The following TBCD variants were observed in gnomAD, a reference collection of about 807,000 sequenced individuals.
The protein encoded by TBCD is tubulin-specific chaperone D.
TBCD carries 105 observed loss-of-function variants against 169.3 expected under a neutral mutation model. That is an observed-to-expected ratio of 0.62 (90% CI 0.53 to 0.73). The LOEUF is 0.73. Ranked by LOEUF, TBCD falls within the 30% of genes least tolerant of loss-of-function variation. The pLI is 0.00. For missense variants in TBCD, 1,444 were observed against 1,600.1 expected, an observed-to-expected ratio of 0.90 and a Z score of 1.66; for synonymous variants, 700 against 643.9, an observed-to-expected ratio of 1.09 and a Z score of -1.32.
At chr17:82,826,503 C>G (rs971817026) in intron 13 of TBCD, among the ~76,000 whole-genome samples, 5 of 151,988 alleles carry the variant, frequency 3.3e-5, no homozygotes, top group Admixed American at 6.6e-5. Context: ...GCAGCCTTGA[C>G]CTCCTGGGCT....
chr17:82,909,229 A>G (rs2060448768), intron 21 of TBCD, 56 bp from the exon 22 acceptor site: 11 of 1,146,732 alleles, frequency 9.6e-6, no homozygotes, highest in Middle Eastern at 2.1e-4. Context: ...TTGTTAACGT[A>G]TACGTATTAT....
intron 2 of TBCD, among the ~76,000 whole-genome samples, chr17:82,756,729 C>T (rs373152445): frequency 6.6e-6 from 1 of 152,186 alleles, no homozygotes; most frequent in Non-Finnish European, 1.5e-5. Context: ...CCGCCTGCCT[C>T]GGCCTCCCAA....
At chr17:82,821,347 T>TTAAAGCTGTTGATTTACAGTC (rs11274762) in intron 13 of TBCD, among the ~76,000 whole-genome samples, 1 of 151,996 alleles carries the variant, frequency 6.6e-6, no homozygotes, top group Admixed American at 6.5e-5. Context: ...GTGAGCATAT[T>TTAAAGCTGTTGATTTACAGTC]TTTGTCTAAG....
At chr17:82,916,948 A>T (rs1189990858) in intron 23 of TBCD, among the ~76,000 whole-genome samples, 7 of 150,416 alleles carry the variant, frequency 4.7e-5, no homozygotes, top group Non-Finnish European at 8.8e-5. Context: ...CACCGCACTT[A>T]ATTCTTTACG....
At chr17:82,887,894 G>A (rs995631534) in intron 15 of TBCD, among the ~76,000 whole-genome samples, 1 of 152,084 alleles carries the variant, frequency 6.6e-6, no homozygotes, top group Non-Finnish European at 1.5e-5. Context: ...CCTCCTCTTT[G>A]GTGAAATGTC....
At chr17:82,854,375 C>T (rs187498457) in intron 13 of TBCD, among the ~76,000 whole-genome samples, 5 of 152,224 alleles carry the variant, frequency 3.3e-5, no homozygotes, top group Admixed American at 6.5e-5. Flanking sequence ...CATGCAAGCA[C>T]GTCCACAAAG....
intron 2 of TBCD, 128 bp downstream of exon 2, chr17:82,756,343 C>A: frequency 3.0e-6 from 3 of 1,010,506 alleles, no homozygotes; most frequent in Non-Finnish European, 4.5e-6. Flanking sequence ...GTCTTGCTTG[C>A]CTGGCTGGTT....
At chr17:82,934,543 G>A (rs2062460723) in intron 34 of TBCD, among the ~76,000 whole-genome samples, 3 of 152,042 alleles carry the variant, frequency 2.0e-5, no homozygotes, top group African/African-American at 7.2e-5. Flanking sequence ...TGCGATCTCA[G>A]CTCACTGCAA....
At chr17:82,802,904 A>T (rs1361596944) in intron 9 of TBCD, among the ~76,000 whole-genome samples, 2 of 152,260 alleles carry the variant, frequency 1.3e-5, no homozygotes, top group African/African-American at 4.8e-5. Context: ...ACAGAAAATA[A>T]TCCAGTATCC....
chr17:82,769,085 T>G (rs767535219), intron 5 of TBCD, among the ~76,000 whole-genome samples: 3 of 152,180 alleles, frequency 2.0e-5, no homozygotes, highest in Non-Finnish European at 4.4e-5. Flanking sequence ...CAAACTTGAG[T>G]GTTTGACACA....
At chr17:82,868,360 G>C (rs975828917) in intron 13 of TBCD, among the ~76,000 whole-genome samples, 5 of 152,166 alleles carry the variant, frequency 3.3e-5, no homozygotes, top group African/African-American at 1.2e-4. Context: ...GGGAGACCTT[G>C]GTGTCTGGCA....
At chr17:82,917,473 C>G (rs1270576878) in intron 23 of TBCD, among the ~76,000 whole-genome samples, 4 of 152,118 alleles carry the variant, frequency 2.6e-5, no homozygotes. Flanking sequence ...ATGTCATCAT[C>G]TGGAGCCTCT....
In TBCD at chr17:82,806,510, C is replaced by T. The variant is rs377415779; in HGVS notation, c.1087+499C>T. ...GAGCCATCAGCGGAGCCCCTCATGG[C>T]GGCCATCCTGGGCTCCTGTCCACAC... is the stretch of plus-strand genomic sequence containing the variant. On this transcript the variant is annotated intron_variant, in intron 10 of 38. Coordinates refer to ENST00000355528, the MANE Select transcript of TBCD (RefSeq NM_005993.5). The surrounding 1 kb of genome is among the most constrained non-coding windows in gnomAD (Gnocchi z 5.1). Among the ~76,000 whole-genome samples, 16 of 152,236 alleles carry T rather than the reference C, an allele frequency of 1.1e-4. No individual in the cohort carries two copies. The South Asian group carries it at 2.1e-3, about 20-fold the overall frequency.
chr17:82,938,600 C>G (rs554158520), intron 36 of TBCD, among the ~76,000 whole-genome samples: 1 of 152,212 alleles, frequency 6.6e-6, no homozygotes, highest in Non-Finnish European at 1.5e-5. Flanking sequence ...AGTGGGGTGC[C>G]GGACCCTCAG....
chr17:82,929,919 T>G (rs2062058133), intron 32 of TBCD: 1 of 350,638 alleles, frequency 2.9e-6, no homozygotes. Flanking sequence ...AGCCTTGGTC[T>G]GTGGCTGAGC....
chr17:82,807,548 A>G, intron 10 of TBCD, 60 bp from the exon 11 acceptor site: 1 of 1,370,012 alleles, frequency 7.3e-7, no homozygotes. Flanking sequence ...GTCACCTTAC[A>G]GCTGGGAAAC....
rs115684807 is a variant in TBCD at position 82,840,797 on chromosome 17, A to G, written c.1318+25863A>G. ...GCTTGCTTGCTTAATCGGAGGCCGCACCCCAGTTGTAGCGAAGGCTGGCAT... is the reference window on the plus strand; with the variant it reads ...GCTTGCTTGCTTAATCGGAGGCCGCGCCCCAGTTGTAGCGAAGGCTGGCAT... On this transcript the variant is annotated intron_variant, in intron 13 of 38. Coordinates refer to ENST00000355528, the MANE Select transcript of TBCD (RefSeq NM_005993.5). Among the ~76,000 whole-genome samples, 561 of 151,978 alleles carry G rather than the reference A, an allele frequency of 3.7e-3. 6 individuals carry two copies. The highest frequency in any genetic ancestry group is 0.013 in the African/African-American group (542 of 41,428).
chr17:82,842,297 G>T (rs528947189), intron 13 of TBCD, among the ~76,000 whole-genome samples: 1 of 152,226 alleles, frequency 6.6e-6, no homozygotes, highest in South Asian at 2.1e-4. Flanking sequence ...AGCTGAGACG[G>T]CAGGGAGGGA....
intron 8 of TBCD, among the ~76,000 whole-genome samples, chr17:82,800,522 G>A (rs560377189): frequency 1.3e-4 from 20 of 151,500 alleles, no homozygotes; most frequent in East Asian, 3.9e-4. Flanking sequence ...CGTGGCCTGC[G>A]TGGTCTCTGT....
Sources: allele counts gnomAD v4.1 joint callset (sites outside exome capture counted in the v4.1 genomes callset), GRCh38; gene constraint gnomAD v4.1.1; non-coding constraint Gnocchi (gnomAD v3.1); transcripts MANE v1.5; gene names NCBI Gene and HGNC (gene_info 2026-07-23, HGNC 2026-07-21).